CDC16: variants seen among roughly 807,000 people sequenced by gnomAD.
The protein encoded by CDC16 is cell division cycle protein 16 homolog.
CDC16 carries 34 observed loss-of-function variants against 87.0 expected under a neutral mutation model. The ratio of observed to expected loss-of-function variants is 0.39; its 90% CI spans 0.30 to 0.52. CDC16 has a LOEUF of 0.52. Among genes scored for constraint, CDC16 ranks in the 20% least tolerant of loss-of-function variants. The pLI, the probability that CDC16 is intolerant of heterozygous loss-of-function variation, is 0.74. For missense variants in CDC16, 653 were observed against 751.9 expected, an observed-to-expected ratio of 0.87 and a Z score of 1.54; for synonymous variants, 263 against 260.6, an observed-to-expected ratio of 1.01 and a Z score of -0.09.
intron 7 of CDC16, among the ~76,000 whole-genome samples, chr13:114,243,649 G>A (rs933832092): frequency 7.2e-5 from 11 of 152,138 alleles, no homozygotes; most frequent in South Asian, 2.1e-4. Context: ...TGAGAAATAC[G>A]TCCCGCTGTG....
intron 3 of CDC16, among the ~76,000 whole-genome samples, chr13:114,238,044 G>A (rs191106820): frequency 6.6e-6 from 1 of 151,854 alleles, no homozygotes; most frequent in Admixed American, 6.6e-5. Context: ...CTCCAGTCAC[G>A]TGGTGCTGCT....
At chr13:114,237,261 C>A (rs17291013) in intron 3 of CDC16, among the ~76,000 whole-genome samples, 1 of 151,398 alleles carries the variant, frequency 6.6e-6, no homozygotes, top group Admixed American at 6.6e-5. Context: ...GGTGTATATT[C>A]CATTTCTGTT....
chr13:114,265,038 G>A, intron 16 of CDC16, 112 bp from the exon 17 acceptor site: 1 of 777,436 alleles, frequency 1.3e-6, no homozygotes, highest in Non-Finnish European at 2.3e-6. Flanking sequence ...ATGTAGCTAT[G>A]TCTGGCCACT....
In CDC16 at chr13:114,257,112, T is replaced by C; in HGVS notation, c.1132T>C (p.Tyr378His). ...GCCTATGCTGTATATTGGATTAGAATATGGTTTGACCAATAACTCAAAACT... is the reference window on the plus strand; with the variant it reads ...GCCTATGCTGTATATTGGATTAGAACATGGTTTGACCAATAACTCAAAACT... Reference protein sequence around the residue: ...HLPMLYIGLEYGLTNNSKLAE... With the variant: ...HLPMLYIGLEHGLTNNSKLAE... The change falls in exon 13 of 18, where the codon TAT becomes CAT. Residue 378 changes from tyrosine to histidine, a missense_variant. By Grantham distance (83) the Tyr-to-His change is moderately conservative. Transcript: ENST00000356221. 2 of 1,610,544 alleles carry C rather than the reference T, an allele frequency of 1.2e-6. No individual in the cohort carries two copies. The highest frequency in any genetic ancestry group is 1.7e-6 in the Non-Finnish European group (2 of 1,177,414).
intron 11 of CDC16, among the ~76,000 whole-genome samples, chr13:114,247,768 C>G (rs189467244): frequency 2.4e-4 from 36 of 152,088 alleles, no homozygotes; most frequent in Non-Finnish European, 4.4e-4. Flanking sequence ...CCCAGCTACT[C>G]GGGAGGCTGA....
chr13:114,271,356 C>T (rs773521907), intron 17 of CDC16, among the ~76,000 whole-genome samples: 1 of 152,212 alleles, frequency 6.6e-6, no homozygotes, highest in Admixed American at 6.5e-5. Flanking sequence ...GTACCTAATA[C>T]ATCTGTTCAG....
intron 13 of CDC16, among the ~76,000 whole-genome samples, chr13:114,258,965 T>C (rs146322186): frequency 1.3e-5 from 2 of 152,108 alleles, no homozygotes; most frequent in East Asian, 3.9e-4. Context: ...AGGGATGGTG[T>C]TGTACACCTG....
At chr13:114,267,661 A>C (rs1314246874) in intron 17 of CDC16, among the ~76,000 whole-genome samples, 2 of 152,092 alleles carry the variant, frequency 1.3e-5, no homozygotes, top group African/African-American at 2.4e-5. Flanking sequence ...TCTTTAAAGC[A>C]GTCACTAAAA....
Position 114,237,787 on chromosome 13 carries a change from C to T in CDC16, c.201+891C>T, listed in dbSNP as rs561448526. 3.9e-4 allele frequency among the ~76,000 whole-genome samples: 60 copies of T among 152,298 alleles called. 1 individual carries two copies. The highest frequency in any genetic ancestry group is 6.3e-4 in the Non-Finnish European group (43 of 68,024). ...TTTTGTCTGTTCTGTTACAGCCTCT[C>T]TTCTTGTCTCTTTTCCCCAGTAACA... On this transcript the variant is annotated intron_variant, in intron 3 of 17. Transcript: ENST00000356221.
chr13:114,265,666 G>C (rs567033868), intron 17 of CDC16, among the ~76,000 whole-genome samples: 2 of 152,272 alleles, frequency 1.3e-5, no homozygotes, highest in African/African-American at 4.8e-5. Flanking sequence ...TTCCATAACA[G>C]TGAATAAGTA....
At chr13:114,251,993 C>CCCACA (rs2082209561) in intron 12 of CDC16, among the ~76,000 whole-genome samples, 1 of 148,178 alleles carries the variant, frequency 6.7e-6, no homozygotes, top group African/African-American at 2.5e-5. Flanking sequence ...GGATAAGAGC[C>CCCACA]CTACACTAAC....
At position 114,253,616 on chromosome 13, in the gene CDC16, G is replaced by A. The variant is rs571675513; in HGVS notation, c.1097+2942G>A. 3.3e-5 allele frequency among the ~76,000 whole-genome samples: 5 copies of A among 151,484 alleles called. No individual in the cohort carries two copies. The South Asian group carries it at 1.0e-3, about 31-fold the overall frequency. On this transcript the variant is annotated intron_variant, in intron 12 of 17. Coordinates refer to ENST00000356221, the MANE Select transcript of CDC16 (RefSeq NM_001078645.3). Reference sequence around the variant, plus strand: ...GAGGCAGGAGAAGCTCTTGAACCCAGAGGCAGAGGTTCCAATGAGCTGAGA... The same window carrying A: ...GAGGCAGGAGAAGCTCTTGAACCCAAAGGCAGAGGTTCCAATGAGCTGAGA...
chr13:114,247,333 ATT>A (rs112944628), intron 11 of CDC16: 702 of 182,772 alleles, frequency 3.8e-3, no homozygotes, highest in South Asian at 9.4e-3. Context: ...TGATTTAAAC[ATT>A]TTTTTTTTTT....
intron 17 of CDC16, among the ~76,000 whole-genome samples, chr13:114,271,921 TC>T (rs2083704443): frequency 6.6e-6 from 1 of 152,236 alleles, no homozygotes; most frequent in African/African-American, 2.4e-5. Flanking sequence ...TTCTGACACT[TC>T]CTTTGCAAAT....
At chr13:114,248,656 C>T (rs997827654) in intron 11 of CDC16, among the ~76,000 whole-genome samples, 2 of 151,248 alleles carry the variant, frequency 1.3e-5, no homozygotes, top group African/African-American at 4.9e-5. Flanking sequence ...ACTCCAGCCT[C>T]GCCGACAGAG....
rs2081179228 is a variant in CDC16, at chr13:114,235,139, G to T, written c.48+7G>T. ...CCGGCAGTACCTCGACCAGGTGGGC[G>T]GCCCCGACTCGGGGTGCGGGGCCCA... On this transcript the variant is annotated splice_region_variant and intron_variant, in intron 1 of 17. Coordinates refer to ENST00000356221, the MANE Select transcript of CDC16 (RefSeq NM_001078645.3). The T allele has an allele frequency of 2.4e-6, 3 of 1,243,090 alleles. No individual in the cohort carries two copies. Among genetic ancestry groups the T allele is most frequent in the South Asian group, 7.3e-5 (2 of 27,424 alleles). 77.0% of individuals were successfully genotyped at this position (1,243,090 alleles called of 1,614,324 possible). A position where few individuals can be genotyped will look rare whatever the true frequency, so the allele number is the denominator to read the frequency against.
chr13:114,264,585 G>A (rs946564030), intron 16 of CDC16, among the ~76,000 whole-genome samples: 4 of 151,944 alleles, frequency 2.6e-5, no homozygotes, highest in Non-Finnish European at 5.9e-5. Context: ...AATACAGAAG[G>A]CTCAGAGAAC....
At position 114,243,294 on chromosome 13, in the gene CDC16, G is replaced by A. The variant is rs753023496; in HGVS notation, c.579G>A (p.Leu193=). Residue 193 remains leucine, a synonymous_variant, in exon 7 of 18, where the codon CTG becomes CTA. Coordinates refer to ENST00000356221, the MANE Select transcript of CDC16 (RefSeq NM_001078645.3). ...ELLESLPLSK[L]CNEEQELLRF... ...TTGAATCACTACCCCTTAGCAAGCT[G>A]TGTAATGAAGAACAGGAATTGCTGC... 5.7e-6 allele frequency: 9 copies of A among 1,592,644 alleles called. No homozygotes were observed. The highest frequency in any genetic ancestry group is 1.1e-5 in the South Asian group (1 of 90,330).
chr13:114,239,090 A>G, intron 4 of CDC16, 62 bp downstream of exon 4: 1 of 906,136 alleles, frequency 1.1e-6, no homozygotes, highest in Non-Finnish European at 1.5e-6. Flanking sequence ...TGCATCTCTT[A>G]AATATGTGTG....
Sources: allele counts gnomAD v4.1 joint callset (sites outside exome capture counted in the v4.1 genomes callset), GRCh38; gene constraint gnomAD v4.1.1; transcripts MANE v1.5; gene names NCBI Gene and HGNC (gene_info 2026-07-23, HGNC 2026-07-21).